WNK4: variants seen among roughly 807,000 people sequenced by gnomAD.
WNK4 encodes WNK lysine deficient protein kinase 4.
In WNK4, 94 loss-of-function variants were observed where a neutral mutation model predicts 116.2. The ratio of observed to expected loss-of-function variants is 0.81; its 90% CI spans 0.68 to 0.96. The LOEUF is 0.96. Ranked by LOEUF, WNK4 falls within the 40% of genes least tolerant of loss-of-function variation. The pLI is 0.00. For missense variants in WNK4, 1,542 were observed against 1,650.6 expected, an observed-to-expected ratio of 0.93 and a Z score of 1.14; for synonymous variants, 655 against 672.7, an observed-to-expected ratio of 0.97 and a Z score of 0.41.
Position 42,784,892 on chromosome 17 carries a change from C to T in WNK4, c.1171-205C>T, listed in dbSNP as rs771442194. On this transcript the variant is annotated intron_variant, in intron 4 of 18. Coordinates refer to ENST00000246914, the MANE Select transcript of WNK4 (RefSeq NM_032387.5). The surrounding 1 kb of genome is among the most constrained non-coding windows in gnomAD (Gnocchi z 4.4). ...CTGCGATTTACAGATGAACAAACAG[C>T]GGGAGACTTGTTCAAGATCACACTG... is the stretch of plus-strand genomic sequence containing the variant. 7.0e-5 allele frequency among the ~76,000 whole-genome samples: 10 copies of T among 142,458 alleles called. No homozygotes were observed. Among genetic ancestry groups the T allele is most frequent in the Non-Finnish European group, 1.3e-4 (9 of 67,350 alleles). The allele number at this position is 142,458 out of a possible 152,430, so 93.5% of individuals were successfully genotyped here.
At chr17:42,781,927 C>T (rs2054487852) in intron 1 of WNK4, among the ~76,000 whole-genome samples, 1 of 152,226 alleles carries the variant, frequency 6.6e-6, no homozygotes, top group Non-Finnish European at 1.5e-5. Context: ...TCCAGTTCTG[C>T]TCCTCATCCC....
intron 10 of WNK4, 39 bp downstream of exon 10, chr17:42,788,446 G>A (rs1172081125): frequency 1.9e-6 from 3 of 1,597,418 alleles, no homozygotes; most frequent in Non-Finnish European, 2.6e-6. Context: ...TAACCTACAG[G>A]GCCAGGAGGG....
intron 8 of WNK4, 70 bp from the exon 9 acceptor site, chr17:42,788,060 C>T (rs2054570413): frequency 6.3e-7 from 1 of 1,597,720 alleles, no homozygotes; most frequent in East Asian, 2.2e-5. Flanking sequence ...CTCCCAGCAT[C>T]CTTGACACCA....
rs776597457 is a variant in WNK4 at position 42,788,696 on chromosome 17, G to T, written c.2056G>T (p.Asp686Tyr). ...LRVTSVSDQN[D>Y]RVVECQLQTH... The stretch of plus-strand genomic sequence containing the variant: ...GAATCTGAAGGTCTCAGACCAGAAT[G>T]ACAGAGTGGTTGAGTGCCAGCTACA... Residue 686 changes from aspartate (D) to tyrosine (Y), a missense_variant, in exon 11 of 19, where the codon GAC (aspartate) becomes TAC (tyrosine). Physicochemically the swap from Asp to Tyr is radical, Grantham distance 160. Transcript: ENST00000246914. 6.2e-7 allele frequency: 1 copy of T among 1,614,078 alleles called. No homozygotes were observed. The highest frequency in any genetic ancestry group is 1.1e-5 in the South Asian group (1 of 91,066).
At position 42,787,380 on chromosome 17, in the gene WNK4, G is replaced by T. The variant is rs1736613504; in HGVS notation, c.1579G>T (p.Ala527Ser). The change falls in exon 7 of 19, where the codon GCA (alanine) becomes TCA (serine). Residue 527 changes from alanine to serine, a missense_variant. Coordinates refer to ENST00000246914, the MANE Select transcript of WNK4 (RefSeq NM_032387.5). ...GCGAAAGCGTGAGAAGCTGCGTAAA[G>T]CAAGGGAATTGGAGGCACTCCCACC... ...IQRKREKLRK[A>S]RELEALPPEP... 3 of 1,614,092 alleles carry T rather than the reference G, an allele frequency of 1.9e-6. No individual in the cohort carries two copies. The highest frequency in any genetic ancestry group is 1.3e-5 in the African/African-American group (1 of 74,928).
In WNK4 at chr17:42,784,652, A is replaced by C. The variant is rs1185349849; in HGVS notation, c.1170+73A>C. On this transcript the variant is annotated intron_variant, in intron 4 of 18. Coordinates refer to ENST00000246914, the MANE Select transcript of WNK4 (RefSeq NM_032387.5). The surrounding 1 kb of genome is among the most constrained non-coding windows in gnomAD (Gnocchi z 4.4). Reference sequence around the variant, plus strand: ...CCTTTTCCTGCGCCGGCCAGCCCGCAGTCAATGCCCTTTGCCTGCACGAAA... The same window carrying C: ...CCTTTTCCTGCGCCGGCCAGCCCGCCGTCAATGCCCTTTGCCTGCACGAAA... The C allele has an allele frequency of 1.3e-6, 2 of 1,587,648 alleles. No homozygotes were observed. The highest frequency in any genetic ancestry group is 1.7e-5 in the Admixed American group (1 of 57,232).
At chr17:42,783,796 G>A (rs1272502524) in intron 2 of WNK4, 141 bp from the exon 3 acceptor site, 4 of 798,800 alleles carry the variant, frequency 5.0e-6, no homozygotes, top group South Asian at 3.0e-5. Flanking sequence ...CCCTGGGGCC[G>A]GGCAGACATA....
chr17:42,787,454 C>T lies in WNK4; in HGVS notation c.1653C>T (p.Pro551=), dbSNP rs55751736. The stretch of plus-strand genomic sequence containing the variant: ...CTGTGCCCATGGCCCCCGGTCCCCC[C>T]AGTGTCTTCCCCCCTGAGCCTGAGG... The part of the protein sequence containing the change: ...PATVPMAPGP[P]SVFPPEPEEP... Residue 551 remains proline, a synonymous_variant, in exon 7 of 19, where the codon CCC becomes CCT. Coordinates refer to ENST00000246914, the MANE Select transcript of WNK4 (RefSeq NM_032387.5). 13,116 of 1,563,260 alleles carry T rather than the reference C, an allele frequency of 8.4e-3. 71 individuals are homozygous for T. Among genetic ancestry groups the T allele is most frequent in the Middle Eastern group, 0.02 (115 of 5,840 alleles).
chr17:42,790,692 G>T (rs2054599024), intron 11 of WNK4, among the ~76,000 whole-genome samples: 1 of 152,134 alleles, frequency 6.6e-6, no homozygotes, highest in African/African-American at 2.4e-5. Flanking sequence ...AACTGAGTGA[G>T]GAGAGAGTTT....
Position 42,796,525 on chromosome 17 carries a change from C to T in WNK4, c.3676C>T (p.Gln1226Ter), listed in dbSNP as rs747196064. ...NSLSGSSTGS[Q>*]EQRASKGVTF... The stretch of plus-strand genomic sequence containing the variant: ...TCTGAGTGGCAGCAGCACCGGCTCC[C>T]AGGAGCAGCGGGCAAGCAAGGGGGT... Residue 1226 changes from glutamine (Q) to a stop codon, truncating the protein, a stop_gained, in exon 18 of 19, where the codon CAG becomes TAG. Transcript: ENST00000246914. LOFTEE classifies it high-confidence loss of function. 6.2e-7 allele frequency: 1 copy of T among 1,613,930 alleles called. No individual in the cohort carries two copies. The highest frequency in any genetic ancestry group is 1.1e-5 in the South Asian group (1 of 91,084).
rs370300499 is a variant in WNK4, at chr17:42,785,167, G to T, written c.1241G>T (p.Arg414Leu). 1.2e-6 allele frequency: 2 copies of T among 1,613,866 alleles called. No individual in the cohort carries two copies. Among genetic ancestry groups the T allele is most frequent in the South Asian group, 1.1e-5 (1 of 90,982 alleles). The change falls in exon 5 of 19, where the codon CGC becomes CTC. Residue 414 changes from arginine to leucine, a missense_variant. Coordinates refer to ENST00000246914, the MANE Select transcript of WNK4 (RefSeq NM_032387.5). ...EVKEIIEGCIRTDKNERFTIQ... is the reference protein window; with the variant it reads ...EVKEIIEGCILTDKNERFTIQ... Reference sequence around the variant, plus strand: ...AAGGAGATCATTGAAGGCTGCATCCGCACGGATAAGAACGAGAGGTGGGGG... The same window carrying T: ...AAGGAGATCATTGAAGGCTGCATCCTCACGGATAAGAACGAGAGGTGGGGG...
chr17:42,789,827 A>ATTACCT (rs2054591273), intron 11 of WNK4, among the ~76,000 whole-genome samples: 1 of 151,910 alleles, frequency 6.6e-6, no homozygotes, highest in Admixed American at 6.6e-5. Context: ...TAATATAATG[A>ATTACCT]GACCCTATCT....
Position 42,785,415 on chromosome 17 carries a change from A to C in WNK4, c.1409A>C (p.Asp470Ala). 4 of 1,567,720 alleles carry C rather than the reference A, an allele frequency of 2.6e-6. No homozygotes were observed. The highest frequency in any genetic ancestry group is 3.5e-6 in the Non-Finnish European group (4 of 1,156,002). ...EDARRGGRPR[D>A]NQAIEFLFQL... ...GCGCGGCGCGGGGGGCGCCCACGGG[A>C]CAACCAGGCCATCGAGTTCCTGTTC... The change falls in exon 6 of 19, where the codon GAC becomes GCC. Residue 470 changes from aspartate (D) to alanine (A), a missense_variant. Asp to Ala is a moderately radical substitution (Grantham distance 126). This residue lies in a region of WNK4 where 808 missense variants were observed against 873.6 expected (regional missense o/e 0.92). Coordinates refer to ENST00000246914, the MANE Select transcript of WNK4 (RefSeq NM_032387.5).
chr17:42,795,475 T>C lies in WNK4; in HGVS notation c.2976T>C (p.Pro992=), dbSNP rs1009687287. The stretch of plus-strand genomic sequence containing the variant: ...CCACTTTCTAGGCCTCACCACCTCC[T>C]GCTCGGCCCCTCCCAGGGGAAGCCA... The part of the protein sequence containing the change: ...AEVESEASPP[P]ARPLPGEARL... Residue 992 remains proline, a synonymous_variant, in exon 15 of 19, where the codon CCT becomes CCC. Transcript: ENST00000246914. 1.9e-6 allele frequency: 3 copies of C among 1,614,222 alleles called. No homozygotes were observed. The highest frequency in any genetic ancestry group is 1.7e-6 in the Non-Finnish European group (2 of 1,180,038).
At chr17:42,788,907 C>T (rs945671658) in intron 11 of WNK4, 110 bp downstream of exon 11, 2 of 890,214 alleles carry the variant, frequency 2.2e-6, no homozygotes, top group Middle Eastern at 3.0e-4. Context: ...ATTTTTAAAT[C>T]TCTGGTTGAC....
In WNK4 at chr17:42,791,333, C is replaced by T. The variant is rs73321134; in HGVS notation, c.2158-2259C>T. ...ACAGCACATTCAGCTACACTTGAGTCCTCACTATTTTAAGAATAGGCTGTG... is the reference window on the plus strand; with the variant it reads ...ACAGCACATTCAGCTACACTTGAGTTCTCACTATTTTAAGAATAGGCTGTG... On this transcript the variant is annotated intron_variant, in intron 11 of 18. Coordinates refer to ENST00000246914, the MANE Select transcript of WNK4 (RefSeq NM_032387.5). Among the ~76,000 whole-genome samples, 1,465 of 152,284 alleles carry T rather than the reference C, an allele frequency of 9.6e-3. 29 individuals carry two copies. The highest frequency in any genetic ancestry group is 0.033 in the African/African-American group (1,389 of 41,550).
chr17:42,794,407 A>G (rs2054639118), intron 12 of WNK4: 1 of 618,822 alleles, frequency 1.6e-6, no homozygotes, highest in African/African-American at 1.8e-5. Context: ...CATACATAAT[A>G]TATTTTTCGG....
chr17:42,793,038 C>T (rs1258758457), intron 11 of WNK4, among the ~76,000 whole-genome samples: 1 of 152,168 alleles, frequency 6.6e-6, no homozygotes, highest in East Asian at 1.9e-4. Flanking sequence ...CAGAAAGTTA[C>T]TGGTGGTGTT....
rs541368576 is a variant in WNK4 at position 42,794,416 on chromosome 17, G to T, written c.2296-198G>T. 8 of 623,562 alleles carry T rather than the reference G, an allele frequency of 1.3e-5. No individual in the cohort carries two copies. In the South Asian group the frequency reaches 1.5e-4, roughly 12 times the overall value. The allele number at this position is 623,562 out of a possible 1,614,324, so 38.6% of individuals were successfully genotyped here. ...TGTGTGCATACATAATATATTTTTC[G>T]GAACCACTTAAGAGTAAGTTGCAGA... On this transcript the variant is annotated intron_variant, in intron 12 of 18. Coordinates refer to ENST00000246914, the MANE Select transcript of WNK4 (RefSeq NM_032387.5).
Sources: gnomAD v4.1 joint callset for allele counts (sites outside exome capture counted in the v4.1 genomes callset) on GRCh38, gnomAD v4.1.1 for gene constraint, gnomAD v4.1.1 regional missense constraint, Gnocchi (gnomAD v3.1) non-coding constraint, MANE v1.5 for transcripts, NCBI Gene and HGNC (gene_info 2026-07-23, HGNC 2026-07-21) for gene names.